Variants in PDZRN3 observed in about 807,000 individuals in gnomAD.
PDZRN3 encodes E3 ubiquitin-protein ligase PDZRN3.
A neutral mutation model predicts 85.7 loss-of-function variants in PDZRN3; 38 were observed. The observed-to-expected ratio is 0.44, with a 90% confidence interval of 0.34 to 0.58. The LOEUF is 0.58. Ranked by LOEUF, PDZRN3 falls within the 20% of genes least tolerant of loss-of-function variation. PDZRN3 has a pLI of 0.01. For synonymous variants in PDZRN3, 759 were observed against 638.0 expected (o/e 1.19, Z -2.86); for missense variants, 1,629 against 1,506.4 (o/e 1.08, Z -1.35).
chr3:73,532,445 C>T (rs1704680724), intron 3 of PDZRN3, among the ~76,000 whole-genome samples: 1 of 152,334 alleles, frequency 6.6e-6, no homozygotes, highest in East Asian at 1.9e-4. Flanking sequence ...GCTTTGCAAA[C>T]ATAAATAACA....
chr3:73,420,008 G>A (rs1323859004), intron 3 of PDZRN3, among the ~76,000 whole-genome samples: 1 of 152,190 alleles, frequency 6.6e-6, no homozygotes, highest in Non-Finnish European at 1.5e-5. Context: ...ACTTTCCTAA[G>A]TGTTTTCACT....
At chr3:73,588,593 T>C (rs1203708295) in intron 3 of PDZRN3, among the ~76,000 whole-genome samples, 3 of 152,176 alleles carry the variant, frequency 2.0e-5, no homozygotes, top group Admixed American at 6.5e-5. Flanking sequence ...AGTTTTGCTC[T>C]TAGACAAAGA....
chr3:73,388,638 G>T (rs906031800), intron 7 of PDZRN3, among the ~76,000 whole-genome samples: 2 of 152,050 alleles, frequency 1.3e-5, no homozygotes, highest in Admixed American at 6.5e-5. Flanking sequence ...TTTGAGCCCT[G>T]CTGGTCTGGA....
At chr3:73,600,096 C>T (rs542947035) in intron 3 of PDZRN3, among the ~76,000 whole-genome samples, 61 of 152,192 alleles carry the variant, frequency 4.0e-4, no homozygotes, top group African/African-American at 1.3e-3. Context: ...GGGTAAGAGC[C>T]GCTGCTCTGG....
intron 8 of PDZRN3, among the ~76,000 whole-genome samples, chr3:73,386,839 C>T (rs1425723228): frequency 2.9e-5 from 4 of 137,580 alleles, no homozygotes; most frequent in Admixed American, 7.3e-5. Flanking sequence ...TCAGATGCCC[C>T]GTATGCCACT....
intron 3 of PDZRN3, among the ~76,000 whole-genome samples, chr3:73,512,106 G>A (rs2106709335): frequency 6.6e-6 from 1 of 152,290 alleles, no homozygotes; most frequent in East Asian, 1.9e-4. Flanking sequence ...GTCTCAAGAA[G>A]GCTTTCTACT....
intron 3 of PDZRN3, among the ~76,000 whole-genome samples, chr3:73,587,888 T>C (rs1157229501): frequency 6.6e-6 from 1 of 152,216 alleles, no homozygotes; most frequent in Non-Finnish European, 1.5e-5. Context: ...CTAACCCATC[T>C]GCTTACATCT....
At chr3:73,516,643 C>A (rs77797737) in intron 3 of PDZRN3, among the ~76,000 whole-genome samples, 4,730 of 152,190 alleles carry the variant, frequency 0.031, 86 homozygotes, top group East Asian at 0.067. Flanking sequence ...CAATCTTTTT[C>A]TTTATGGTTT....
intron 3 of PDZRN3, among the ~76,000 whole-genome samples, chr3:73,536,721 G>C (rs944917840): frequency 2.0e-5 from 3 of 152,136 alleles, no homozygotes; most frequent in African/African-American, 7.2e-5. Flanking sequence ...GTCCCACATG[G>C]TGGTAGGTCT....
chr3:73,530,523 G>A (rs1459467662), intron 3 of PDZRN3, among the ~76,000 whole-genome samples: 1 of 152,136 alleles, frequency 6.6e-6, no homozygotes, highest in Non-Finnish European at 1.5e-5. Context: ...AAGTGATCTT[G>A]TAAAAAGTCC....
chr3:73,472,851 G>C lies in PDZRN3; in HGVS notation c.919-68456C>G, dbSNP rs557218875. On this transcript the variant is annotated intron_variant, in intron 3 of 9. Transcript: ENST00000263666. ...CACCAAAAGTTTAATATGTGTGCTT[G>C]TATAAATGACTGTTTGACATGTACA... Among the ~76,000 whole-genome samples the C allele has an allele frequency of 7.9e-5, 12 of 152,324 alleles. No homozygotes were observed. In the South Asian group the frequency reaches 2.5e-3, roughly 32 times the overall value.
At chr3:73,416,066 G>C (rs113143970) in intron 3 of PDZRN3, among the ~76,000 whole-genome samples, 1 of 147,960 alleles carries the variant, frequency 6.8e-6, no homozygotes, top group Non-Finnish European at 1.5e-5. Flanking sequence ...GGTTTTTTTT[G>C]TTTGTTTGTT....
chr3:73,386,776 G>A (rs1213715943), intron 8 of PDZRN3, among the ~76,000 whole-genome samples: 1 of 152,196 alleles, frequency 6.6e-6, no homozygotes, highest in African/African-American at 2.4e-5. Flanking sequence ...GACTGTGGGT[G>A]AGATGATTGC....
chr3:73,543,540 T>C (rs1368515214), intron 3 of PDZRN3, among the ~76,000 whole-genome samples: 3 of 152,242 alleles, frequency 2.0e-5, no homozygotes, highest in African/African-American at 7.2e-5. Flanking sequence ...TGCTCTCTCT[T>C]TCTCTTTACT....
chr3:73,393,933 A>G (rs1208646732), intron 5 of PDZRN3, among the ~76,000 whole-genome samples: 1 of 152,218 alleles, frequency 6.6e-6, no homozygotes, highest in East Asian at 1.9e-4. Context: ...TTTGATTGAC[A>G]GAGATTTGGA....
chr3:73,611,987 T>C (rs566266109), intron 1 of PDZRN3, among the ~76,000 whole-genome samples: 1 of 152,334 alleles, frequency 6.6e-6, no homozygotes, highest in East Asian at 1.9e-4. Flanking sequence ...TCGAAGCTGC[T>C]TTCCCGACTG....
intron 3 of PDZRN3, chr3:73,474,310 T>C (rs1703406383): frequency 3.3e-6 from 1 of 302,812 alleles, no homozygotes; most frequent in Admixed American, 4.2e-5. Flanking sequence ...TGCGCCCTTC[T>C]CCTTGCTTTG....
intron 3 of PDZRN3, among the ~76,000 whole-genome samples, chr3:73,568,725 T>C (rs151095601): frequency 2.6e-4 from 39 of 152,352 alleles, no homozygotes; most frequent in African/African-American, 8.9e-4. Flanking sequence ...ATACTCTTTT[T>C]ATAGCCCTAC....
intron 3 of PDZRN3, among the ~76,000 whole-genome samples, chr3:73,446,984 C>T (rs2106833189): frequency 6.6e-6 from 1 of 150,730 alleles, no homozygotes; most frequent in African/African-American, 2.4e-5. Context: ...GGAAGGATTC[C>T]TGACTAATTC....
Sources: allele counts gnomAD v4.1 joint callset (sites outside exome capture counted in the v4.1 genomes callset), GRCh38; gene constraint gnomAD v4.1.1; transcripts MANE v1.5; gene names NCBI Gene and HGNC (gene_info 2026-07-23, HGNC 2026-07-21).